The following TSPAN14 variants were observed in gnomAD, a reference collection of about 807,000 sequenced individuals.
TSPAN14 encodes the protein tetraspanin 14, also known as tetraspanin-14.
Under a neutral mutation model 36.6 loss-of-function variants are expected in TSPAN14, and 16 were observed. The ratio of observed to expected loss-of-function variants is 0.44; its 90% CI spans 0.30 to 0.66. The LOEUF (loss-of-function observed/expected upper bound fraction) is 0.66. TSPAN14 is among the 30% of genes least tolerant of loss of function. The pLI, the probability that TSPAN14 is intolerant of heterozygous loss-of-function variation, is 0.12. For missense variants in TSPAN14, 231 were observed against 355.1 expected, an observed-to-expected ratio of 0.65 and a Z score of 2.81; for synonymous variants, 139 against 143.8, an observed-to-expected ratio of 0.97 and a Z score of 0.24.
intron 1 of TSPAN14, among the ~76,000 whole-genome samples, chr10:80,465,854 C>T (rs72819578): frequency 0.023 from 3,482 of 152,272 alleles, 51 homozygotes; most frequent in Middle Eastern, 0.041. Context: ...GAACTGTACC[C>T]TGCTTCTTCA....
intron 1 of TSPAN14, among the ~76,000 whole-genome samples, chr10:80,487,877 G>A (rs1320943169): frequency 1.3e-5 from 2 of 152,176 alleles, no homozygotes; most frequent in African/African-American, 2.4e-5. Context: ...ATTCCACACC[G>A]TGGGAGAGGT....
At chr10:80,501,180 A>C (rs1002431705) in intron 2 of TSPAN14, among the ~76,000 whole-genome samples, 1 of 149,942 alleles carries the variant, frequency 6.7e-6, no homozygotes, top group Admixed American at 6.6e-5. Context: ...GCAGTGGTGC[A>C]ATCTCACCCT....
intron 2 of TSPAN14, among the ~76,000 whole-genome samples, chr10:80,492,939 A>C (rs1234571109): frequency 6.6e-6 from 1 of 152,122 alleles, no homozygotes; most frequent in Non-Finnish European, 1.5e-5. Context: ...GATTGTTAAA[A>C]CCTGCTTGGG....
chr10:80,466,147 C>T (rs897740664), intron 1 of TSPAN14, among the ~76,000 whole-genome samples: 2 of 152,184 alleles, frequency 1.3e-5, no homozygotes, highest in African/African-American at 4.8e-5. Flanking sequence ...ATAGCTTACC[C>T]TTTCAAAACC....
At chr10:80,475,218 G>T (rs1846789812) in intron 1 of TSPAN14, among the ~76,000 whole-genome samples, 1 of 152,168 alleles carries the variant, frequency 6.6e-6, no homozygotes, top group South Asian at 2.1e-4. Context: ...GTGTTGCAGT[G>T]ATGTTTGATA....
Position 80,509,313 on chromosome 10 carries a change from A to G in TSPAN14, c.292A>G (p.Ile98Val). 1 of 1,613,782 alleles carries G rather than the reference A, an allele frequency of 6.2e-7. No individual in the cohort carries two copies. The highest frequency in any genetic ancestry group is 8.5e-7 in the Non-Finnish European group (1 of 1,179,928). ...CCTTCCCCTGCAGTTCTGTGGCACC[A>G]TCGTGCTCATCTTCTTCCTGGAGCT... Residue 98 changes from isoleucine to valine, a missense_variant, in exon 5 of 9, where the codon ATC becomes GTC. Coordinates refer to ENST00000429989, the Ensembl canonical transcript of TSPAN14. The surrounding 1 kb of genome is among the most constrained non-coding windows in gnomAD (Gnocchi z 4.7).
chr10:80,512,370 G>C, intron 6 of TSPAN14, 101 bp downstream of exon 6: 1 of 1,494,340 alleles, frequency 6.7e-7, no homozygotes, highest in Non-Finnish European at 8.9e-7. Flanking sequence ...TGTCATGGAG[G>C]TCTGAGGAGC....
intron 2 of TSPAN14, 125 bp from the exon 3 acceptor site, chr10:80,504,603 G>A: frequency 9.2e-7 from 1 of 1,086,502 alleles, no homozygotes; most frequent in Non-Finnish European, 1.4e-6. Context: ...CGGGGCCTGA[G>A]GGGCCATGTG....
chr10:80,515,928 G>T, intron 7 of TSPAN14: 1 of 446,512 alleles, frequency 2.2e-6, no homozygotes, highest in Non-Finnish European at 4.0e-6. Context: ...GGTGGGGAAG[G>T]GTATCTTGAG....
chr10:80,461,963 G>A (rs994780340), intron 1 of TSPAN14, among the ~76,000 whole-genome samples: 4 of 151,740 alleles, frequency 2.6e-5, no homozygotes, highest in Non-Finnish European at 5.9e-5. Flanking sequence ...GCCCAGGCTG[G>A]AGTGCAGTGG....
intron 2 of TSPAN14, among the ~76,000 whole-genome samples, chr10:80,496,642 G>C (rs539756051): frequency 1.3e-4 from 20 of 152,004 alleles, no homozygotes; most frequent in Non-Finnish European, 2.4e-4. Flanking sequence ...ACAGAGGCTC[G>C]GTTTAGTTTT....
chr10:80,508,206 C>A (rs1840406225), intron 4 of TSPAN14, among the ~76,000 whole-genome samples: 1 of 151,538 alleles, frequency 6.6e-6, no homozygotes, highest in Non-Finnish European at 1.5e-5. Flanking sequence ...AGCTCCGCCT[C>A]CCGGGTTCAC....
At chr10:80,454,542 T>C (rs1436905828) in intron 1 of TSPAN14, among the ~76,000 whole-genome samples, 171 bp downstream of exon 1, 1 of 151,678 alleles carries the variant, frequency 6.6e-6, no homozygotes, top group Non-Finnish European at 1.5e-5. Context: ...CGGCGCTGGC[T>C]TTGTCTGCCA....
intron 1 of TSPAN14, among the ~76,000 whole-genome samples, chr10:80,467,592 T>C (rs1328481754): frequency 6.6e-6 from 1 of 152,216 alleles, no homozygotes; most frequent in Non-Finnish European, 1.5e-5. Flanking sequence ...CTAACTCCAC[T>C]ACCTGGAATC....
intron 1 of TSPAN14, among the ~76,000 whole-genome samples, chr10:80,459,039 T>G (rs1845856876): frequency 6.6e-6 from 1 of 152,064 alleles, no homozygotes; most frequent in Non-Finnish European, 1.5e-5. Flanking sequence ...AAGAATCAAG[T>G]CTGCCTTTTC....
chr10:80,490,254 A>G (rs867352793), intron 2 of TSPAN14, among the ~76,000 whole-genome samples: 3 of 152,230 alleles, frequency 2.0e-5, no homozygotes, highest in Middle Eastern at 3.4e-3. Flanking sequence ...TCAGGGAGAT[A>G]CTATTTCCTT....
At chr10:80,499,829 G>A (rs1848394561) in intron 2 of TSPAN14, among the ~76,000 whole-genome samples, 1 of 152,228 alleles carries the variant, frequency 6.6e-6, no homozygotes, top group South Asian at 2.1e-4. Context: ...CGCTGGTCCA[G>A]CAGAGGAGGC....
intron 1 of TSPAN14, among the ~76,000 whole-genome samples, chr10:80,457,228 C>G (rs1007808334): frequency 2.0e-5 from 3 of 151,800 alleles, no homozygotes; most frequent in Admixed American, 1.3e-4. Flanking sequence ...CTCTATTGCC[C>G]AGGCTGGAGT....
intron 2 of TSPAN14, among the ~76,000 whole-genome samples, chr10:80,504,239 G>A (rs1445803562): frequency 6.6e-6 from 1 of 152,246 alleles, no homozygotes; most frequent in Non-Finnish European, 1.5e-5. Context: ...TATCTCCAGG[G>A]CTGGAGAGCT....
Sources: allele counts gnomAD v4.1 joint callset (sites outside exome capture counted in the v4.1 genomes callset), GRCh38; gene constraint gnomAD v4.1.1; non-coding constraint Gnocchi (gnomAD v3.1); transcripts MANE v1.5; gene names NCBI Gene and HGNC (gene_info 2026-07-23, HGNC 2026-07-21).